ERC1: variants seen among roughly 807,000 people sequenced by gnomAD.
The protein encoded by ERC1 is ELKS/RAB6-interacting/CAST family member 1.
In ERC1, 56 loss-of-function variants were observed where a neutral mutation model predicts 132.0. That is an observed-to-expected ratio of 0.42 (90% CI 0.34 to 0.53). The LOEUF (loss-of-function observed/expected upper bound fraction) is 0.53, where lower values mean the gene tolerates loss of function less well. ERC1 is among the 20% of genes least tolerant of loss of function. ERC1 has a pLI of 0.03. For synonymous variants in ERC1, 478 were observed against 476.1 expected (o/e 1.00, Z -0.05); for missense variants, 1,202 against 1,349.9 (o/e 0.89, Z 1.72).
At chr12:1,425,287 A>G (rs1420080456) in intron 17 of ERC1, among the ~76,000 whole-genome samples, 1 of 152,208 alleles carries the variant, frequency 6.6e-6, no homozygotes, top group Non-Finnish European at 1.5e-5. Context: ...GTGTGATGGC[A>G]TAGCCACATC....
chr12:1,035,275 G>T (rs1968845222), intron 2 of ERC1, among the ~76,000 whole-genome samples: 1 of 152,226 alleles, frequency 6.6e-6, no homozygotes. Flanking sequence ...TTCAGTTTGA[G>T]ACTGGGGATT....
chr12:1,184,601 A>T (rs1195062400), intron 11 of ERC1, among the ~76,000 whole-genome samples: 1 of 152,186 alleles, frequency 6.6e-6, no homozygotes, highest in South Asian at 2.1e-4. Context: ...GGTAATGATA[A>T]TTGGAGTCAT....
chr12:1,003,096 C>CAAA (rs59507923), intron 1 of ERC1, among the ~76,000 whole-genome samples: 18 of 86,896 alleles, frequency 2.1e-4, no homozygotes, highest in South Asian at 4.9e-4. Context: ...ATGAAAAATG[C>CAAA]AAAAAAAAAA....
chr12:1,180,282 T>TGC lies in ERC1; in HGVS notation c.1738-253_1738-252dup, dbSNP rs112331784. 4.0e-3 allele frequency among the ~76,000 whole-genome samples: 573 copies of TGC among 144,298 alleles called. 7 individuals are homozygous for TGC. The highest frequency in any genetic ancestry group is 0.012 in the East Asian group (58 of 4,918). 94.7% of individuals were successfully genotyped at this position (144,298 alleles called of 152,430 possible). On this transcript the variant is annotated intron_variant, in intron 8 of 18. Coordinates refer to ENST00000360905, the MANE Select transcript of ERC1 (RefSeq NM_178040.4). ...GTGTGTGTGTGTGTGTGTGTGTGTG[T>TGC]GCGCGCACGCGTGTGCGCGCGCGCA... is the stretch of plus-strand genomic sequence containing the variant.
At chr12:1,241,541 T>C (rs74528771) in intron 13 of ERC1, among the ~76,000 whole-genome samples, 15,460 of 152,162 alleles carry the variant, frequency 0.1, 1,206 homozygotes, top group African/African-American at 0.21. Flanking sequence ...TTAATATCCA[T>C]TTGCAACAGA....
At chr12:1,449,134 G>T (rs184807037) in intron 18 of ERC1, among the ~76,000 whole-genome samples, 1 of 152,196 alleles carries the variant, frequency 6.6e-6, no homozygotes, top group Non-Finnish European at 1.5e-5. Context: ...TTTGGAGTAG[G>T]TGTATTTACC....
intron 15 of ERC1, among the ~76,000 whole-genome samples, chr12:1,290,984 A>T (rs563336652): frequency 1.3e-5 from 2 of 152,212 alleles, no homozygotes. Flanking sequence ...GGCCTAAAAT[A>T]AAATTTTTTC....
intron 7 of ERC1, among the ~76,000 whole-genome samples, chr12:1,137,781 A>G (rs1161795735): frequency 6.6e-6 from 1 of 151,634 alleles, no homozygotes; most frequent in Admixed American, 6.6e-5. Flanking sequence ...TGAACCCAGG[A>G]GGCAGAGGTT....
At chr12:1,252,777 C>T (rs1223021681) in intron 13 of ERC1, among the ~76,000 whole-genome samples, 1 of 152,142 alleles carries the variant, frequency 6.6e-6, no homozygotes, top group Non-Finnish European at 1.5e-5. Flanking sequence ...AATTCTGTCT[C>T]TGTGTTGTGC....
At chr12:1,389,480 A>G (rs963683434) in intron 16 of ERC1, among the ~76,000 whole-genome samples, 2 of 152,234 alleles carry the variant, frequency 1.3e-5, no homozygotes, top group African/African-American at 2.4e-5. Context: ...TTCAATGAGC[A>G]TATGCCCTCT....
At chr12:1,422,310 AG>A (rs1332618888) in intron 17 of ERC1, among the ~76,000 whole-genome samples, 2 of 152,212 alleles carry the variant, frequency 1.3e-5, no homozygotes, top group African/African-American at 4.8e-5. Context: ...TTCTTGCAAA[AG>A]CAATTTTATA....
chr12:1,204,751 A>G (rs1029147262), intron 12 of ERC1, among the ~76,000 whole-genome samples: 4 of 152,172 alleles, frequency 2.6e-5, no homozygotes, highest in African/African-American at 9.7e-5. Context: ...TTTGACTGAG[A>G]GAGAAGTGGA....
intron 17 of ERC1, among the ~76,000 whole-genome samples, chr12:1,411,423 T>A (rs1315405101): frequency 6.6e-6 from 1 of 151,912 alleles, no homozygotes; most frequent in Non-Finnish European, 1.5e-5. Flanking sequence ...CATGTGTAGA[T>A]CTCTTAACGT....
chr12:1,275,711 T>C lies in ERC1; in HGVS notation c.2619+12546T>C, dbSNP rs549725973. On this transcript the variant is annotated intron_variant, in intron 14 of 18. Transcript: ENST00000360905. ...GATCTTTAAGTGGATGGTTGTCTTA[T>C]TCCATTTAGTGTTGCTATAAAGGAA... Among the ~76,000 whole-genome samples the C allele has an allele frequency of 8.5e-5, 13 of 152,300 alleles. 1 individual carries two copies. The South Asian group carries it at 2.3e-3, about 27-fold the overall frequency.
At position 1,490,026 on chromosome 12, in the gene ERC1, A is replaced by G. The variant is rs2154434982; in HGVS notation, c.3214-67A>G. The G allele has an allele frequency of 1.9e-6, 3 of 1,539,534 alleles. No individual in the cohort carries two copies. The East Asian group carries it at 6.8e-5, about 35-fold the overall frequency. The stretch of plus-strand genomic sequence containing the variant: ...AGTGCCTTTGTCATTTATTGATGAA[A>G]AATAATTCTTAGCTCAGTGCAAATG... On this transcript the variant is annotated intron_variant, in intron 18 of 18. Coordinates refer to ENST00000360905, the MANE Select transcript of ERC1 (RefSeq NM_178040.4).
At chr12:1,373,503 C>T (rs980747876) in intron 16 of ERC1, among the ~76,000 whole-genome samples, 11 of 152,298 alleles carry the variant, frequency 7.2e-5, no homozygotes, top group African/African-American at 1.4e-4. Flanking sequence ...GGAAATTGGC[C>T]GGGCACGGTG....
At chr12:1,081,326 CT>C (rs1942165849) in intron 2 of ERC1, among the ~76,000 whole-genome samples, 1 of 152,144 alleles carries the variant, frequency 6.6e-6, no homozygotes, top group Non-Finnish European at 1.5e-5. Context: ...GCATTAACAC[CT>C]TTATTTAATT....
intron 15 of ERC1, among the ~76,000 whole-genome samples, chr12:1,339,056 G>A (rs762942214): frequency 6.6e-6 from 1 of 152,240 alleles, no homozygotes; most frequent in Non-Finnish European, 1.5e-5. Context: ...GCGCAGCAGA[G>A]TGCACGCTGG....
intron 12 of ERC1, among the ~76,000 whole-genome samples, chr12:1,196,905 TACACAC>T (rs766381798): frequency 0.084 from 4,841 of 57,406 alleles, 417 homozygotes; most frequent in East Asian, 0.16. Flanking sequence ...TCTGTCTCTC[TACACAC>T]ACACACACAC....
Sources: allele counts gnomAD v4.1 joint callset (sites outside exome capture counted in the v4.1 genomes callset), GRCh38; gene constraint gnomAD v4.1.1; transcripts MANE v1.5; gene names NCBI Gene and HGNC (gene_info 2026-07-23, HGNC 2026-07-21).